Variants in RAB38 observed in about 807,000 individuals in gnomAD.
The protein encoded by RAB38 is ras-related protein Rab-38.
RAB38 carries 15 observed loss-of-function variants against 18.4 expected under a neutral mutation model. That is an observed-to-expected ratio of 0.82 (90% CI 0.55 to 1.26). RAB38 has a LOEUF of 1.26. Ranked by LOEUF, RAB38 falls within the 50% of genes most tolerant of loss-of-function variation. RAB38 has a pLI of 0.00. For missense variants in RAB38, 294 were observed against 267.4 expected, an observed-to-expected ratio of 1.10 and a Z score of -0.69; for synonymous variants, 101 against 104.4, an observed-to-expected ratio of 0.97 and a Z score of 0.20.
intron 2 of RAB38, among the ~76,000 whole-genome samples, chr11:88,116,945 G>C (rs1942562319): frequency 6.6e-6 from 1 of 152,168 alleles, no homozygotes; most frequent in South Asian, 2.1e-4. Context: ...ATCATTATGA[G>C]AAAAAGAACT....
At chr11:88,110,800 T>G (rs1942464088), downstream of RAB38, among the ~76,000 whole-genome samples, 1 of 139,904 alleles carries the variant, frequency 7.1e-6, no homozygotes, top group South Asian at 2.3e-4. Context: ...GGCAATACAG[T>G]GAGACTCCAT....
the RAB38 span, among the ~76,000 whole-genome samples, chr11:87,895,050 T>C: frequency 6.6e-6 from 1 of 151,602 alleles, no homozygotes; most frequent in Non-Finnish European, 1.5e-5. Flanking sequence ...TTTGTAGGGT[T>C]GATGGAGTTC....
the RAB38 span, among the ~76,000 whole-genome samples, chr11:87,841,900 A>AT: frequency 6.6e-6 from 1 of 152,202 alleles, no homozygotes; most frequent in Non-Finnish European, 1.5e-5. Flanking sequence ...GAATATGAAC[A>AT]TTTTGGAGTA....
chr11:87,923,547 CTGTGTGTGTGTGTGTG>C, the RAB38 span, among the ~76,000 whole-genome samples: 1 of 146,870 alleles, frequency 6.8e-6, no homozygotes, highest in Non-Finnish European at 1.5e-5. Flanking sequence ...TCAATTAATT[CTGTGTGTGTGTGTGTG>C]TGTGTGTGTG....
Position 88,156,344 on chromosome 11 carries a change from T to G in RAB38, c.203-6389A>C, listed in dbSNP as rs141354961. Reference sequence around the variant, plus strand: ...AACAGTGGACATCTCAGCAGAAACTTTACAAGCCAGAAGAGACTGGGGGCC... The same window carrying G: ...AACAGTGGACATCTCAGCAGAAACTGTACAAGCCAGAAGAGACTGGGGGCC... On this transcript the variant is annotated intron_variant, in intron 1 of 2. Coordinates refer to ENST00000243662, the MANE Select transcript of RAB38 (RefSeq NM_022337.3). Among the ~76,000 whole-genome samples the G allele has an allele frequency of 5.0e-3, 758 of 152,248 alleles. 29 individuals are homozygous for G. Among genetic ancestry groups the G allele is most frequent in the Admixed American group, 0.039 (599 of 15,294 alleles).
At chr11:88,165,780 T>C (rs574067024) in intron 1 of RAB38, 3 of 152,286 alleles carry the variant, frequency 2.0e-5, no homozygotes, top group African/African-American at 7.2e-5. Context: ...ATTCTTGGTG[T>C]TTCTTCTTCT....
chr11:88,142,295 A>G (rs35320111), intron 2 of RAB38, among the ~76,000 whole-genome samples: 1,614 of 152,328 alleles, frequency 0.011, 35 homozygotes, highest in African/African-American at 0.037. Flanking sequence ...ACTCCTCCAC[A>G]TGGAAAACGG....
the RAB38 span, among the ~76,000 whole-genome samples, chr11:87,867,761 C>A: frequency 6.6e-6 from 1 of 151,586 alleles, no homozygotes; most frequent in South Asian, 2.1e-4. Flanking sequence ...TTAAATGTAT[C>A]AATTAATTGA....
chr11:88,041,865 A>G, the RAB38 span, among the ~76,000 whole-genome samples: 9 of 152,122 alleles, frequency 5.9e-5, no homozygotes, highest in Admixed American at 2.6e-4. Context: ...AGGATACCTA[A>G]GCGCAGCCCA....
the RAB38 span, among the ~76,000 whole-genome samples, chr11:87,806,509 G>C: frequency 6.6e-6 from 1 of 152,068 alleles, no homozygotes; most frequent in African/African-American, 2.4e-5. Flanking sequence ...GGGAATATCT[G>C]GTTCAACATA....
At chr11:88,032,580 A>T in the RAB38 span, among the ~76,000 whole-genome samples, 2 of 152,256 alleles carry the variant, frequency 1.3e-5, no homozygotes, top group African/African-American at 2.4e-5. Flanking sequence ...ATGGACAGAC[A>T]TTTCTCAGAA....
At chr11:88,117,664 C>T (rs1321321813) in intron 2 of RAB38, among the ~76,000 whole-genome samples, 1 of 152,208 alleles carries the variant, frequency 6.6e-6, no homozygotes, top group Non-Finnish European at 1.5e-5. Flanking sequence ...CTTTAGAGTA[C>T]AGGCCTGGAG....
the RAB38 span, among the ~76,000 whole-genome samples, chr11:87,888,805 G>A: frequency 2.0e-5 from 3 of 151,842 alleles, no homozygotes; most frequent in South Asian, 2.1e-4. Flanking sequence ...TCTCACACAC[G>A]TAGCCCAATG....
chr11:87,871,111 T>C, the RAB38 span, among the ~76,000 whole-genome samples: 2 of 151,608 alleles, frequency 1.3e-5, no homozygotes, highest in African/African-American at 4.8e-5. Flanking sequence ...TTTGAGAAAA[T>C]TATTTTTATG....
At chr11:87,976,113 C>A in the RAB38 span, among the ~76,000 whole-genome samples, 2 of 145,492 alleles carry the variant, frequency 1.4e-5, no homozygotes, top group Admixed American at 7.2e-5. Flanking sequence ...TATATGTGTG[C>A]GTGTAAATAT....
At chr11:88,132,009 C>A (rs748675861) in intron 2 of RAB38, among the ~76,000 whole-genome samples, 1 of 152,204 alleles carries the variant, frequency 6.6e-6, no homozygotes, top group Non-Finnish European at 1.5e-5. Context: ...CCACAAGGAA[C>A]TGAGTTCTGC....
At chr11:88,143,332 T>C (rs1254930777) in intron 2 of RAB38, among the ~76,000 whole-genome samples, 1 of 152,236 alleles carries the variant, frequency 6.6e-6, no homozygotes, top group South Asian at 2.1e-4. Context: ...TGGTAAACTT[T>C]GAAGCATAAA....
the RAB38 span, among the ~76,000 whole-genome samples, chr11:87,975,160 G>C: frequency 6.6e-6 from 1 of 151,832 alleles, no homozygotes; most frequent in Non-Finnish European, 1.5e-5. Context: ...CTTCTGATAA[G>C]GAAGTCAGTC....
chr11:87,868,324 G>A, the RAB38 span, among the ~76,000 whole-genome samples: 3 of 151,524 alleles, frequency 2.0e-5, no homozygotes, highest in South Asian at 4.2e-4. Context: ...ATCTGTGCAC[G>A]TCAGCTCCTG....
Sources: gnomAD v4.1 joint callset for allele counts (sites outside exome capture counted in the v4.1 genomes callset) on GRCh38, gnomAD v4.1.1 for gene constraint, MANE v1.5 for transcripts, NCBI Gene and HGNC (gene_info 2026-07-23, HGNC 2026-07-21) for gene names.